MYT1L: variants seen among roughly 807,000 people sequenced by gnomAD.
The protein encoded by MYT1L is myelin transcription factor 1-like protein.
A neutral mutation model predicts 126.7 loss-of-function variants in MYT1L; 12 were observed. The ratio of observed to expected loss-of-function variants is 0.09; its 90% CI spans 0.06 to 0.15. The LOEUF is 0.15. MYT1L is among the 10% of genes least tolerant of loss of function. The pLI is 1.00. For synonymous variants in MYT1L, 541 were observed against 604.2 expected (o/e 0.90, Z 1.53); for missense variants, 979 against 1,585.2 (o/e 0.62, Z 6.49).
At chr2:2,169,551 G>A (rs948052546) in intron 3 of MYT1L, among the ~76,000 whole-genome samples, 14 of 151,996 alleles carry the variant, frequency 9.2e-5, no homozygotes, top group Admixed American at 2.6e-4. Flanking sequence ...CCTTTTTATC[G>A]AGCTGGTGGC....
chr2:2,083,240 C>T (rs1016623614), intron 3 of MYT1L, among the ~76,000 whole-genome samples: 3 of 152,244 alleles, frequency 2.0e-5, no homozygotes, highest in African/African-American at 7.2e-5. Context: ...TACGCCTGTG[C>T]TCACTTGTAG....
intron 2 of MYT1L, among the ~76,000 whole-genome samples, chr2:2,201,101 G>T (rs2093053633): frequency 6.6e-6 from 1 of 152,138 alleles, no homozygotes; most frequent in Admixed American, 6.6e-5. Flanking sequence ...GCCAACTACT[G>T]AGTGGAAAAA....
chr2:2,276,947 A>G (rs1054686926), intron 2 of MYT1L, among the ~76,000 whole-genome samples: 3 of 150,470 alleles, frequency 2.0e-5, no homozygotes, highest in Middle Eastern at 6.4e-3. Flanking sequence ...GTTTGCCTTT[A>G]CTTCACCTGC....
chr2:2,049,455 A>T (rs1398522891), intron 4 of MYT1L, among the ~76,000 whole-genome samples: 2 of 152,252 alleles, frequency 1.3e-5, no homozygotes, highest in Non-Finnish European at 2.9e-5. Flanking sequence ...AAATGCCTAC[A>T]TAAATTTGAA....
In MYT1L at chr2:1,835,550, A is replaced by G. The variant is rs74536422; in HGVS notation, c.3080+3599T>C. On this transcript the variant is annotated intron_variant, in intron 21 of 24. Transcript: ENST00000647738. ...TGGGTGAGATGGTAAATTCCATGCC[A>G]TATGTTAATATTTTACCACAACTAC... Among the ~76,000 whole-genome samples the G allele has an allele frequency of 9.1e-3, 1,393 of 152,312 alleles. 22 individuals are homozygous for G. Among genetic ancestry groups the G allele is most frequent in the African/African-American group, 0.031 (1,303 of 41,564 alleles).
rs1553518950 is a variant in MYT1L, at chr2:2,158,648, C to CGCGT, written c.-304+14220_-304+14223dup. On this transcript the variant is annotated intron_variant, in intron 3 of 24. Transcript: ENST00000647738. ...ACACACACACACACACACACACACA[C>CGCGT]GCGTAGGTGGACACGGGTGCACACA... is the stretch of plus-strand genomic sequence containing the variant. Among the ~76,000 whole-genome samples, 9 of 149,630 alleles carry CGCGT rather than the reference C, an allele frequency of 6.0e-5. No homozygotes were observed. The South Asian group carries it at 6.3e-4, about 10-fold the overall frequency.
chr2:2,042,396 T>C (rs1402765731), intron 4 of MYT1L, among the ~76,000 whole-genome samples: 4 of 152,210 alleles, frequency 2.6e-5, no homozygotes, highest in Non-Finnish European at 5.9e-5. Context: ...CCCTGACAAA[T>C]GCAAACAATT....
chr2:1,856,897 C>CCACAG (rs2043984582), intron 18 of MYT1L, among the ~76,000 whole-genome samples: 1 of 152,188 alleles, frequency 6.6e-6, no homozygotes, highest in Non-Finnish European at 1.5e-5. Context: ...AGGAAAGAGC[C>CCACAG]CACAGCACAG....
chr2:1,859,603 A>G (rs1230638120), intron 18 of MYT1L, among the ~76,000 whole-genome samples: 7 of 152,236 alleles, frequency 4.6e-5, no homozygotes, highest in Non-Finnish European at 1.0e-4. Context: ...ATGATGCCCA[A>G]TAACTGTAGT....
At chr2:2,001,142 TC>T (rs1350124195) in intron 4 of MYT1L, among the ~76,000 whole-genome samples, 1 of 151,880 alleles carries the variant, frequency 6.6e-6, no homozygotes, top group Non-Finnish European at 1.5e-5. Flanking sequence ...TTTATTAATT[TC>T]CCCCTCTTTA....
chr2:2,283,525 T>C (rs1333434531), intron 2 of MYT1L, among the ~76,000 whole-genome samples: 1 of 152,186 alleles, frequency 6.6e-6, no homozygotes, highest in Non-Finnish European at 1.5e-5. Context: ...GGACATTGGG[T>C]CCAACAGATT....
At position 1,979,113 on chromosome 2, in the gene MYT1L, C is replaced by T; in HGVS notation, c.152+52G>A. 2.0e-6 allele frequency: 3 copies of T among 1,494,970 alleles called. No individual in the cohort carries two copies. The highest frequency in any genetic ancestry group is 2.3e-5 in the East Asian group (1 of 43,380). 92.6% of individuals were successfully genotyped at this position (1,494,970 alleles called of 1,614,324 possible). ...CAGTTCATCATCAGGACTGGGTCCC[C>T]AAATAAGTCACTTTAGACAGCACAT... is the stretch of plus-strand genomic sequence containing the variant. On this transcript the variant is annotated intron_variant, in intron 8 of 24. Coordinates refer to ENST00000647738, the MANE Select transcript of MYT1L (RefSeq NM_001303052.2). This position sits in a 1 kb window ranked among gnomAD's most constrained non-coding sequence, Gnocchi z 4.0.
At chr2:1,930,491 A>T (rs184781430) in intron 9 of MYT1L, among the ~76,000 whole-genome samples, 109 of 152,252 alleles carry the variant, frequency 7.2e-4, no homozygotes, top group African/African-American at 2.6e-3. Context: ...ACCTCCCTGC[A>T]ATCACAACGC....
intron 3 of MYT1L, among the ~76,000 whole-genome samples, chr2:2,144,271 G>T (rs1386166133): frequency 6.6e-6 from 1 of 152,038 alleles, no homozygotes; most frequent in Non-Finnish European, 1.5e-5. Flanking sequence ...CACAGTCATG[G>T]CTCCCCAGCC....
At chr2:2,164,730 C>T (rs769176645) in intron 3 of MYT1L, among the ~76,000 whole-genome samples, 10 of 152,220 alleles carry the variant, frequency 6.6e-5, no homozygotes, top group Admixed American at 1.3e-4. Context: ...AAGAAAGACA[C>T]GTGCTGTCAA....
chr2:1,995,715 A>T (rs577898455), intron 5 of MYT1L, among the ~76,000 whole-genome samples: 1 of 152,136 alleles, frequency 6.6e-6, no homozygotes. Flanking sequence ...GCGTGGGACC[A>T]GCTGATGCCG....
intron 4 of MYT1L, among the ~76,000 whole-genome samples, chr2:2,015,400 C>A (rs2064272085): frequency 6.6e-6 from 1 of 152,170 alleles, no homozygotes; most frequent in African/African-American, 2.4e-5. Context: ...GATAAGGAAG[C>A]CATGGCTATG....
intron 21 of MYT1L, among the ~76,000 whole-genome samples, chr2:1,832,858 T>C (rs967091284): frequency 3.3e-5 from 5 of 152,214 alleles, no homozygotes; most frequent in African/African-American, 1.2e-4. Context: ...TGGCACCATG[T>C]TGCAGCATCT....
In MYT1L at chr2:1,917,347, C is replaced by A. The variant is rs745813711; in HGVS notation, c.1484-8G>T. On this transcript the variant is annotated splice_region_variant and splice_polypyrimidine_tract_variant and intron_variant, in intron 10 of 24. Coordinates refer to ENST00000647738, the MANE Select transcript of MYT1L (RefSeq NM_001303052.2). The surrounding 1 kb of genome is among the most constrained non-coding windows in gnomAD (Gnocchi z 5.9). ...TTTCTGTTCTTGAGGGATCTAAAAG[C>A]GACAACAGGTGCCAAGAGAATAAAT... 6.3e-7 allele frequency: 1 copy of A among 1,598,706 alleles called. No individual in the cohort carries two copies. The highest frequency in any genetic ancestry group is 8.5e-7 in the Non-Finnish European group (1 of 1,170,082).
Sources: allele counts gnomAD v4.1 joint callset (sites outside exome capture counted in the v4.1 genomes callset), GRCh38; gene constraint gnomAD v4.1.1; non-coding constraint Gnocchi (gnomAD v3.1); transcripts MANE v1.5; gene names NCBI Gene and HGNC (gene_info 2026-07-23, HGNC 2026-07-21).